MYO18B: variants seen among roughly 807,000 people sequenced by gnomAD.
MYO18B encodes the protein myosin XVIIIB.
MYO18B carries 204 observed loss-of-function variants against 273.0 expected under a neutral mutation model. That is an observed-to-expected ratio of 0.75 (90% CI 0.67 to 0.84). The LOEUF (loss-of-function observed/expected upper bound fraction) is 0.84. Ranked by LOEUF, MYO18B falls within the 40% of genes least tolerant of loss-of-function variation. The pLI, the probability that MYO18B is intolerant of heterozygous loss-of-function variation, is 0.00. For missense variants in MYO18B, 3,212 were observed against 3,287.6 expected, an observed-to-expected ratio of 0.98 and a Z score of 0.56; for synonymous variants, 1,330 against 1,305.7, an observed-to-expected ratio of 1.02 and a Z score of -0.40.
In MYO18B at chr22:25,902,674, A is replaced by T. The variant is rs1331590990; in HGVS notation, c.4885A>T (p.Lys1629Ter). 6.3e-7 allele frequency: 1 copy of T among 1,599,066 alleles called. No homozygotes were observed. Among genetic ancestry groups the T allele is most frequent in the Non-Finnish European group, 8.5e-7 (1 of 1,172,504 alleles). The change falls in exon 30 of 44, where the codon AAA (lysine) becomes TAA (stop). Residue 1629 changes from lysine to a stop codon, truncating the protein, a stop_gained. Transcript: ENST00000335473. LOFTEE classifies it high-confidence loss of function. ...AGTGTTTGAGAAGGGTCTCCGTGAGAAAGTGACCCAGGAGAACACCAGTGT... is the reference window on the plus strand; with the variant it reads ...AGTGTTTGAGAAGGGTCTCCGTGAGTAAGTGACCCAGGAGAACACCAGTGT... ...ESVFEKGLRE[K>*]VTQENTSVRW...
chr22:25,767,902 C>T (rs2086564028), intron 3 of MYO18B, among the ~76,000 whole-genome samples: 1 of 152,186 alleles, frequency 6.6e-6, no homozygotes, highest in African/African-American at 2.4e-5. Flanking sequence ...CTCCAAAGTC[C>T]ACTCCTTCCA....
intron 20 of MYO18B, among the ~76,000 whole-genome samples, chr22:25,850,243 T>TG (rs1322035606): frequency 4.6e-5 from 7 of 152,114 alleles, no homozygotes; most frequent in African/African-American, 1.2e-4. Flanking sequence ...TCCAGTCACT[T>TG]GGGGGGTCTT....
chr22:25,753,509 C>T (rs146697005), intron 1 of MYO18B, among the ~76,000 whole-genome samples: 389 of 152,320 alleles, frequency 2.6e-3, no homozygotes, highest in African/African-American at 8.9e-3. Context: ...AGCACCAGCA[C>T]TGGTAACCCG....
At chr22:26,017,990 T>G (rs1037017832) in intron 42 of MYO18B, among the ~76,000 whole-genome samples, 63 of 104,796 alleles carry the variant, frequency 6.0e-4, no homozygotes, top group African/African-American at 2.4e-3. Flanking sequence ...TTTTTTTTTT[T>G]GCGGGGGCAG....
At chr22:26,019,775 G>A (rs1056424588) in intron 42 of MYO18B, among the ~76,000 whole-genome samples, 5 of 152,148 alleles carry the variant, frequency 3.3e-5, no homozygotes, top group African/African-American at 1.2e-4. Flanking sequence ...ATGATTCACG[G>A]TGTCATTAAA....
intron 10 of MYO18B, 89 bp from the exon 11 acceptor site, chr22:25,785,339 G>A: frequency 2.3e-6 from 3 of 1,318,944 alleles, no homozygotes; most frequent in Non-Finnish European, 3.2e-6. Flanking sequence ...CCGGGCAGTT[G>A]TGTGGAGCCT....
chr22:25,812,350 C>T (rs1206441589), intron 12 of MYO18B, among the ~76,000 whole-genome samples: 1 of 152,176 alleles, frequency 6.6e-6, no homozygotes, highest in East Asian at 1.9e-4. Flanking sequence ...TGAGAGGCTT[C>T]TCCCTTCCTT....
chr22:26,055,308 G>A, the MYO18B span, among the ~76,000 whole-genome samples: 5 of 152,212 alleles, frequency 3.3e-5, no homozygotes, highest in African/African-American at 1.2e-4. Context: ...CATCTATCTC[G>A]GGCTTTTAAG....
At chr22:25,890,381 A>C (rs951805242) in intron 25 of MYO18B, among the ~76,000 whole-genome samples, 1 of 152,260 alleles carries the variant, frequency 6.6e-6, no homozygotes, top group African/African-American at 2.4e-5. Flanking sequence ...AAAGCTGGTT[A>C]CGAAGAGATT....
At position 26,026,647 on chromosome 22, in the gene MYO18B, T is replaced by C. The variant is rs542713380; in HGVS notation, c.6673T>C (p.Ser2225Pro). 273 of 1,613,512 alleles carry C rather than the reference T, an allele frequency of 1.7e-4. 7 individuals carry two copies. In the South Asian group the frequency reaches 2.9e-3, roughly 17 times the overall value. ...GTCCACAGAGAGATTAGAACCTGCT[T>C]CCTCTCCCCTGGCTTCTCGGAGTAC... ...RKSTERLEPA[S>P]SPLASRSTNT... The change falls in exon 43 of 44, where the codon TCC (serine) becomes CCC (proline). Residue 2225 changes from serine to proline, a missense_variant. Transcript: ENST00000335473.
chr22:26,017,962 GTTTTGTTTTTTTTT>G (rs1935503747), intron 42 of MYO18B, among the ~76,000 whole-genome samples: 12 of 117,514 alleles, frequency 1.0e-4, no homozygotes, highest in East Asian at 6.6e-4. Flanking sequence ...CAATTTTACT[GTTTTGTTTTTTTTT>G]TTTTTTTTTT....
intron 28 of MYO18B, chr22:25,897,825 T>A (rs2091843301): frequency 1.3e-5 from 2 of 155,192 alleles, no homozygotes; most frequent in East Asian, 3.8e-4. Flanking sequence ...TGCATTCTGG[T>A]ATTAATTCAG....
At chr22:25,838,847 ATG>A (rs1022812011) in intron 17 of MYO18B, among the ~76,000 whole-genome samples, 39 of 150,884 alleles carry the variant, frequency 2.6e-4, no homozygotes, top group South Asian at 6.4e-4. Flanking sequence ...GTGTAAATAT[ATG>A]TGTATGTGTG....
chr22:25,837,046 C>A (rs1322118828), intron 17 of MYO18B, among the ~76,000 whole-genome samples: 1 of 151,614 alleles, frequency 6.6e-6, no homozygotes, highest in Non-Finnish European at 1.5e-5. Flanking sequence ...CAGTCCCAAC[C>A]CTCTTTGAGG....
chr22:25,963,841 C>CTATTAG (rs1236295290), intron 39 of MYO18B: 10 of 151,858 alleles, frequency 6.6e-5, no homozygotes, highest in Non-Finnish European at 1.3e-4. Flanking sequence ...ATAATAAGCA[C>CTATTAG]CTAATAGATG....
At chr22:25,846,050 T>G in intron 18 of MYO18B, 50 bp from the exon 19 acceptor site, 1 of 1,439,448 alleles carries the variant, frequency 6.9e-7, no homozygotes, top group East Asian at 2.6e-5. Flanking sequence ...GGCCAAGGCT[T>G]TCCCAAGAAC....
At chr22:25,992,866 T>C (rs1397171259) in intron 40 of MYO18B, among the ~76,000 whole-genome samples, 1 of 152,244 alleles carries the variant, frequency 6.6e-6, no homozygotes, top group Non-Finnish European at 1.5e-5. Context: ...GGACTATTTT[T>C]GACCTACAGA....
rs561735823 is a variant in MYO18B at position 25,902,754 on chromosome 22, CAG to C, written c.4947+21_4947+22del. On this transcript the variant is annotated intron_variant, in intron 30 of 43. Transcript: ENST00000335473. ...AGCTGAAGGTAAGGGATGGGGGACACAGAGCTATCTTGGCTCTTGGTGGCTAA... is the reference window on the plus strand; with the variant it reads ...AGCTGAAGGTAAGGGATGGGGGACACAGCTATCTTGGCTCTTGGTGGCTAA... The C allele has an allele frequency of 5.5e-5, 87 of 1,568,306 alleles. No homozygotes were observed. In the African/African-American group the frequency reaches 1.1e-3, roughly 19 times the overall value.
intron 3 of MYO18B, among the ~76,000 whole-genome samples, chr22:25,766,005 G>A (rs1247440806): frequency 6.6e-6 from 1 of 152,224 alleles, no homozygotes; most frequent in East Asian, 1.9e-4. Context: ...CTGAGCACCA[G>A]CTGAACCTCG....
Sources: allele counts gnomAD v4.1 joint callset (sites outside exome capture counted in the v4.1 genomes callset), GRCh38; gene constraint gnomAD v4.1.1; transcripts MANE v1.5; gene names NCBI Gene and HGNC (gene_info 2026-07-23, HGNC 2026-07-21).